The following STAG1 variants were observed in gnomAD, a reference collection of about 807,000 sequenced individuals.
STAG1 encodes cohesin subunit SA-1.
In STAG1, 26 loss-of-function variants were observed where a neutral mutation model predicts 170.9. The observed-to-expected ratio is 0.15, with a 90% confidence interval of 0.11 to 0.21. The LOEUF is 0.21. Among genes scored for constraint, STAG1 ranks in the 10% least tolerant of loss-of-function variants. The pLI is 1.00. For missense variants in STAG1, 964 were observed against 1,509.5 expected (o/e 0.64, Z 5.99); for synonymous variants, 514 against 497.7 (o/e 1.03, Z -0.44).
chr3:136,388,249 G>A (rs1382930998), intron 22 of STAG1, among the ~76,000 whole-genome samples: 1 of 152,120 alleles, frequency 6.6e-6, no homozygotes, highest in Non-Finnish European at 1.5e-5. Flanking sequence ...GAAGTACCTT[G>A]CTTATCTTGC....
Position 136,601,427 on chromosome 3 carries a change from A to C in STAG1, c.297+2882T>G, listed in dbSNP as rs1338115774. On this transcript the variant is annotated intron_variant, in intron 4 of 33. Coordinates refer to ENST00000383202, the MANE Select transcript of STAG1 (RefSeq NM_005862.3). The stretch of plus-strand genomic sequence containing the variant: ...CAGATTTCAAGAGAGAAACAGTAAG[A>C]AGAAGTTGAAAGGTGGGTTAACACC... Among the ~76,000 whole-genome samples, 4 of 152,182 alleles carry C rather than the reference A, an allele frequency of 2.6e-5. No individual in the cohort carries two copies. In the East Asian group the frequency reaches 7.7e-4, roughly 29 times the overall value.
At chr3:136,593,711 A>C (rs1938295703) in intron 4 of STAG1, among the ~76,000 whole-genome samples, 1 of 152,098 alleles carries the variant, frequency 6.6e-6, no homozygotes, top group Non-Finnish European at 1.5e-5. Flanking sequence ...TCAGGCAAAG[A>C]CTCTAAATGT....
chr3:136,719,457 A>C (rs1329469056), intron 1 of STAG1, among the ~76,000 whole-genome samples: 1 of 151,982 alleles, frequency 6.6e-6, no homozygotes, highest in African/African-American at 2.4e-5. Context: ...AAATTAACTA[A>C]ACATCACTGA....
rs1937269575 is a variant in STAG1, at chr3:136,370,441, T to C, written c.2371-1159A>G. ...TTGTTACATAGGTATACATGTGCCA[T>C]GTTGGTGTGCTGCACCCATTAACTC... On this transcript the variant is annotated intron_variant, in intron 23 of 33. Coordinates refer to ENST00000383202, the MANE Select transcript of STAG1 (RefSeq NM_005862.3). Among the ~76,000 whole-genome samples, 4 of 152,304 alleles carry C rather than the reference T, an allele frequency of 2.6e-5. No individual in the cohort carries two copies. The South Asian group carries it at 6.2e-4, about 24-fold the overall frequency.
chr3:136,543,603 G>C (rs1936008733), intron 5 of STAG1, among the ~76,000 whole-genome samples: 2 of 152,168 alleles, frequency 1.3e-5, no homozygotes, highest in Non-Finnish European at 2.9e-5. Flanking sequence ...GTAAGACATA[G>C]TAGGGTTTCT....
chr3:136,714,585 G>A (rs927125176), intron 1 of STAG1, among the ~76,000 whole-genome samples: 12 of 151,814 alleles, frequency 7.9e-5, no homozygotes, highest in Admixed American at 1.3e-4. Context: ...AAAATTAGCC[G>A]GGCGTGGTGG....
intron 1 of STAG1, among the ~76,000 whole-genome samples, chr3:136,674,841 T>C (rs766934136): frequency 4.6e-5 from 7 of 152,234 alleles, no homozygotes; most frequent in African/African-American, 7.2e-5. Flanking sequence ...TCTGTCTTCC[T>C]GTTTCCTTAA....
At chr3:136,723,561 G>C (rs1559973272) in intron 1 of STAG1, among the ~76,000 whole-genome samples, 1 of 151,998 alleles carries the variant, frequency 6.6e-6, no homozygotes, top group Non-Finnish European at 1.5e-5. Flanking sequence ...GGAGGGAAGT[G>C]GGGGTCAGCC....
At chr3:136,396,276 C>T (rs1225260978) in intron 22 of STAG1, among the ~76,000 whole-genome samples, 5 of 148,176 alleles carry the variant, frequency 3.4e-5, no homozygotes, top group South Asian at 2.1e-4. Context: ...GGTGCAGCCA[C>T]GCGATCTCTC....
At chr3:136,723,852 C>T (rs1323936226) in intron 1 of STAG1, among the ~76,000 whole-genome samples, 12 of 143,976 alleles carry the variant, frequency 8.3e-5, no homozygotes, top group East Asian at 6.4e-4. Flanking sequence ...GCCCCCCGCC[C>T]GGCCAGCCGC....
intron 7 of STAG1, among the ~76,000 whole-genome samples, chr3:136,517,084 TAATC>T (rs1331267052): frequency 6.6e-6 from 1 of 152,236 alleles, no homozygotes; most frequent in Admixed American, 6.5e-5. Context: ...TAAGAAAAGT[TAATC>T]AATAATGAAT....
chr3:136,725,617 T>C (rs1279953026), intron 1 of STAG1, among the ~76,000 whole-genome samples: 1 of 152,216 alleles, frequency 6.6e-6, no homozygotes, highest in Non-Finnish European at 1.5e-5. Flanking sequence ...GTATTATGTT[T>C]TGTTACTGAG....
chr3:136,640,525 T>A (rs958509625), intron 1 of STAG1, among the ~76,000 whole-genome samples: 6 of 148,290 alleles, frequency 4.0e-5, no homozygotes, highest in African/African-American at 1.5e-4. Flanking sequence ...CCCGCCACCA[T>A]GCCCGGCTAA....
chr3:136,534,651 C>G (rs1017084054), intron 6 of STAG1, among the ~76,000 whole-genome samples: 1 of 152,018 alleles, frequency 6.6e-6, no homozygotes, highest in African/African-American at 2.4e-5. Flanking sequence ...AAAAAGTGCT[C>G]AACATCCATA....
intron 32 of STAG1, among the ~76,000 whole-genome samples, chr3:136,340,223 T>C (rs1475440678): frequency 6.6e-6 from 1 of 152,096 alleles, no homozygotes; most frequent in African/African-American, 2.4e-5. Flanking sequence ...GGCACGATCT[T>C]GGCTCACTAC....
intron 16 of STAG1, among the ~76,000 whole-genome samples, chr3:136,430,498 C>T (rs1285059822): frequency 6.6e-6 from 1 of 151,856 alleles, no homozygotes; most frequent in Non-Finnish European, 1.5e-5. Flanking sequence ...AATCTCAACA[C>T]TATAGTGCTA....
intron 3 of STAG1, chr3:136,609,054 C>G (rs1215785120): frequency 2.0e-5 from 3 of 152,078 alleles, no homozygotes; most frequent in African/African-American, 7.3e-5. Flanking sequence ...GCAATGATGC[C>G]CAAGAGGAAA....
intron 11 of STAG1, 52 bp from the exon 12 acceptor site, chr3:136,472,544 G>A (rs1218156923): frequency 2.4e-6 from 3 of 1,272,898 alleles, no homozygotes; most frequent in African/African-American, 1.5e-5. Context: ...AAATAAGCTG[G>A]GACAGATCTA....
intron 6 of STAG1, among the ~76,000 whole-genome samples, chr3:136,535,376 G>A (rs892739650): frequency 6.6e-6 from 1 of 152,146 alleles, no homozygotes; most frequent in Admixed American, 6.5e-5. Context: ...AAATAGCTAG[G>A]AGAGAGCTGG....
Sources: gnomAD v4.1 joint callset for allele counts (sites outside exome capture counted in the v4.1 genomes callset) on GRCh38, gnomAD v4.1.1 for gene constraint, MANE v1.5 for transcripts, NCBI Gene and HGNC (gene_info 2026-07-23, HGNC 2026-07-21) for gene names.